Variants in ADAMTS12 observed in about 807,000 individuals in gnomAD.
ADAMTS12 encodes the protein A disintegrin and metalloproteinase with thrombospondin motifs 12.
Under a neutral mutation model 167.8 loss-of-function variants are expected in ADAMTS12, and 118 were observed. The ratio of observed to expected loss-of-function variants is 0.70; its 90% CI spans 0.61 to 0.82. ADAMTS12 has a LOEUF of 0.82. Ranked by LOEUF, ADAMTS12 falls within the 40% of genes least tolerant of loss-of-function variation. The pLI, the probability that ADAMTS12 is intolerant of heterozygous loss-of-function variation, is 0.00. For synonymous variants in ADAMTS12, 704 were observed against 716.9 expected (o/e 0.98, Z 0.29); for missense variants, 1,916 against 1,998.8 (o/e 0.96, Z 0.79).
At chr5:33,853,925 T>C (rs536967626) in intron 2 of ADAMTS12, among the ~76,000 whole-genome samples, 1 of 152,264 alleles carries the variant, frequency 6.6e-6, no homozygotes, top group South Asian at 2.1e-4. Flanking sequence ...AAGGATCCAG[T>C]TCATCCAAAG....
At chr5:33,715,485 G>A (rs1438822644) in intron 3 of ADAMTS12, among the ~76,000 whole-genome samples, 1 of 152,030 alleles carries the variant, frequency 6.6e-6, no homozygotes, top group Non-Finnish European at 1.5e-5. Flanking sequence ...ATATATGAGT[G>A]ATTAAAACAA....
At position 33,576,314 on chromosome 5, in the gene ADAMTS12, C is replaced by G. The variant is rs764340709; in HGVS notation, c.3712G>C (p.Gly1238Arg). Residue 1238 changes from glycine (G) to arginine (R), a missense_variant, in exon 19 of 24, where the codon GGG becomes CGG. Gly to Arg is a moderately radical substitution (Grantham distance 125, BLOSUM62 -2). Transcript: ENST00000504830. ...TTGGCTGGCTTTTCAGTAACCATCCCCTCAACTCTGGGTGTCCCAGTTTCG... is the reference window on the plus strand; with the variant it reads ...TTGGCTGGCTTTTCAGTAACCATCCGCTCAACTCTGGGTGTCCCAGTTTCG... ...TSETGTPRVE[G>R]MVTEKPANTL... 1 of 1,614,170 alleles carries G rather than the reference C, an allele frequency of 6.2e-7. No homozygotes were observed. Among genetic ancestry groups the G allele is most frequent in the South Asian group, 1.1e-5 (1 of 91,074 alleles).
chr5:33,804,125 G>A (rs1747124927), intron 2 of ADAMTS12, among the ~76,000 whole-genome samples: 1 of 152,174 alleles, frequency 6.6e-6, no homozygotes, highest in African/African-American at 2.4e-5. Context: ...TGTGGGTGAG[G>A]AGAAGTCTTT....
chr5:33,728,037 G>A (rs138520230), intron 3 of ADAMTS12, among the ~76,000 whole-genome samples: 2 of 152,128 alleles, frequency 1.3e-5, no homozygotes, highest in Non-Finnish European at 2.9e-5. Flanking sequence ...TCTAAGGAAA[G>A]GAACAAATAT....
rs140374196 is a variant in ADAMTS12, at chr5:33,847,216, G to A, written c.489+33903C>T. Among the ~76,000 whole-genome samples, 200 of 115,184 alleles carry A rather than the reference G, an allele frequency of 1.7e-3. 1 individual carries two copies. The highest frequency in any genetic ancestry group is 6.3e-3 in the African/African-American group (191 of 30,460). 75.6% of individuals were successfully genotyped at this position (115,184 alleles called of 152,430 possible). A position where few individuals can be genotyped will look rare whatever the true frequency, so the allele number is the denominator to read the frequency against. Reference sequence around the variant, plus strand: ...ATGTGTAGATCTATCTCAGAGATATGTGGATCTTCACGTATCCACAAGCAT... The same window carrying A: ...ATGTGTAGATCTATCTCAGAGATATATGGATCTTCACGTATCCACAAGCAT... On this transcript the variant is annotated intron_variant, in intron 2 of 23. Coordinates refer to ENST00000504830, the MANE Select transcript of ADAMTS12 (RefSeq NM_030955.4).
chr5:33,849,592 A>ATGTG (rs1491120917), intron 2 of ADAMTS12, among the ~76,000 whole-genome samples: 3 of 68,058 alleles, frequency 4.4e-5, no homozygotes, highest in Admixed American at 1.8e-4. Flanking sequence ...AGCAATACAC[A>ATGTG]TATGTATTGC....
intron 3 of ADAMTS12, among the ~76,000 whole-genome samples, chr5:33,739,681 C>T (rs996479029): frequency 6.6e-6 from 1 of 152,212 alleles, no homozygotes; most frequent in African/African-American, 2.4e-5. Flanking sequence ...GAGCTAGACA[C>T]ATCCACTCAG....
chr5:33,804,306 C>T (rs1273158422), intron 2 of ADAMTS12, among the ~76,000 whole-genome samples: 1 of 152,312 alleles, frequency 6.6e-6, no homozygotes. Flanking sequence ...TGTTAGCAAA[C>T]CCATCGCAAA....
At chr5:33,810,417 C>T (rs368260186) in intron 2 of ADAMTS12, among the ~76,000 whole-genome samples, 1 of 152,142 alleles carries the variant, frequency 6.6e-6, no homozygotes, top group African/African-American at 2.4e-5. Flanking sequence ...AGTAAATGTT[C>T]CAATTGCAGT....
At chr5:33,686,908 A>C (rs1016798640) in intron 3 of ADAMTS12, among the ~76,000 whole-genome samples, 2 of 135,980 alleles carry the variant, frequency 1.5e-5, no homozygotes, top group African/African-American at 2.7e-5. Flanking sequence ...CATATTCTCT[A>C]TATATAGGCA....
chr5:33,878,275 G>A (rs1203417659), intron 2 of ADAMTS12, among the ~76,000 whole-genome samples: 2 of 111,328 alleles, frequency 1.8e-5, no homozygotes, highest in African/African-American at 5.2e-5. Flanking sequence ...TTGGCTTTGG[G>A]TGCCTTTTTT....
chr5:33,658,379 G>A lies in ADAMTS12; in HGVS notation c.1041-46C>T, dbSNP rs374035820. 75 of 1,596,516 alleles carry A rather than the reference G, an allele frequency of 4.7e-5. No individual in the cohort carries two copies. The African/African-American group carries it at 7.2e-4, about 15-fold the overall frequency. On this transcript the variant is annotated intron_variant, in intron 6 of 23. Transcript: ENST00000504830. ...AGCTAAGGCGCCCAAAGGAACATCT[G>A]GAAAAACCTCCTGGAAAAAAATCTG...
chr5:33,637,894 A>AT, intron 11 of ADAMTS12, 148 bp from the exon 12 acceptor site: 1 of 819,456 alleles, frequency 1.2e-6, no homozygotes, highest in Non-Finnish European at 1.8e-6. Context: ...AATTTTACAC[A>AT]TTTTTTCCTT....
intron 3 of ADAMTS12, among the ~76,000 whole-genome samples, chr5:33,750,178 T>C (rs927868764): frequency 6.6e-6 from 1 of 152,238 alleles, no homozygotes; most frequent in Non-Finnish European, 1.5e-5. Flanking sequence ...CTACATGATA[T>C]ATTTCATCCC....
chr5:33,781,359 A>G (rs187131461), intron 2 of ADAMTS12, among the ~76,000 whole-genome samples: 1 of 152,170 alleles, frequency 6.6e-6, no homozygotes, highest in Admixed American at 6.5e-5. Context: ...TCCTTCTCAC[A>G]CATTAAAGTA....
At chr5:33,816,729 A>T (rs1747667377) in intron 2 of ADAMTS12, among the ~76,000 whole-genome samples, 1 of 152,224 alleles carries the variant, frequency 6.6e-6, no homozygotes, top group South Asian at 2.1e-4. Flanking sequence ...ATGACAGGTG[A>T]GGAAAGCACA....
At chr5:33,667,317 C>CA (rs5867201) in intron 5 of ADAMTS12, among the ~76,000 whole-genome samples, 20,260 of 78,312 alleles carry the variant, frequency 0.26, 2,537 homozygotes, top group African/African-American at 0.35. Context: ...GACTCTGTCT[C>CA]AAAAAAAAAA....
chr5:33,708,556 T>C (rs1357773052), intron 3 of ADAMTS12, among the ~76,000 whole-genome samples: 2 of 152,156 alleles, frequency 1.3e-5, no homozygotes, highest in African/African-American at 4.8e-5. Flanking sequence ...CAAGTGCCTA[T>C]CAATGATAAA....
chr5:33,777,433 A>C (rs1745953576), intron 2 of ADAMTS12, among the ~76,000 whole-genome samples: 1 of 152,180 alleles, frequency 6.6e-6, no homozygotes, highest in African/African-American at 2.4e-5. Context: ...CAAAAATCAT[A>C]TGATCAGCTC....
Sources: gnomAD v4.1 joint callset for allele counts (sites outside exome capture counted in the v4.1 genomes callset) on GRCh38, gnomAD v4.1.1 for gene constraint, MANE v1.5 for transcripts, NCBI Gene and HGNC (gene_info 2026-07-23, HGNC 2026-07-21) for gene names.